Variants in KDM4C observed in about 807,000 individuals in gnomAD.
KDM4C encodes the protein lysine-specific demethylase 4C.
KDM4C carries 81 observed loss-of-function variants against 129.3 expected under a neutral mutation model. That is an observed-to-expected ratio of 0.63 (90% CI 0.52 to 0.75). The LOEUF (loss-of-function observed/expected upper bound fraction) is 0.75. Among genes scored for constraint, KDM4C ranks in the 30% least tolerant of loss-of-function variants. The probability of loss-of-function intolerance (pLI) is 0.00; values close to 1 mark genes in which losing one functional copy is unlikely to be tolerated. For missense variants in KDM4C, 1,457 were observed against 1,304.0 expected (o/e 1.12, Z -1.81); for synonymous variants, 573 against 456.1 (o/e 1.26, Z -3.26).
intron 17 of KDM4C, among the ~76,000 whole-genome samples, chr9:7,090,641 A>T (rs1835684471): frequency 6.6e-6 from 1 of 152,192 alleles, no homozygotes; most frequent in Admixed American, 6.5e-5. Context: ...TTGTGTTTAT[A>T]AATGACCTCC....
intron 1 of KDM4C, among the ~76,000 whole-genome samples, chr9:6,739,304 C>G (rs1817617362): frequency 6.6e-6 from 1 of 152,098 alleles, no homozygotes; most frequent in Non-Finnish European, 1.5e-5. Context: ...AACTCCTGTC[C>G]TCAGGTGACC....
intron 6 of KDM4C, among the ~76,000 whole-genome samples, chr9:6,882,026 T>C (rs1056738089): frequency 6.6e-6 from 1 of 152,242 alleles, no homozygotes; most frequent in African/African-American, 2.4e-5. Context: ...TGCTTTCATC[T>C]TTGGTTTCTA....
intron 8 of KDM4C, among the ~76,000 whole-genome samples, chr9:6,940,291 A>C (rs976085786): frequency 8.5e-5 from 13 of 152,130 alleles, no homozygotes; most frequent in Middle Eastern, 3.4e-3. Flanking sequence ...GAGTTTTGCC[A>C]TGTTGCCCAG....
chr9:6,966,222 T>G (rs10117798), intron 8 of KDM4C, among the ~76,000 whole-genome samples: 62,454 of 152,032 alleles, frequency 0.41, 13,640 homozygotes, highest in African/African-American at 0.56. Flanking sequence ...TCGCTCTGTC[T>G]CCCAGGCTGG....
intron 1 of KDM4C, among the ~76,000 whole-genome samples, chr9:6,780,658 T>C (rs1203641700): frequency 1.3e-5 from 2 of 149,542 alleles, no homozygotes; most frequent in East Asian, 2.0e-4. Context: ...TCCCAGCTAC[T>C]TGGGAAGGCC....
chr9:7,112,197 TC>T (rs1323111530), intron 18 of KDM4C, among the ~76,000 whole-genome samples: 3 of 152,176 alleles, frequency 2.0e-5, no homozygotes, highest in African/African-American at 7.2e-5. Context: ...CTTTCCTTCA[TC>T]CATGTTCCCC....
intron 8 of KDM4C, among the ~76,000 whole-genome samples, chr9:6,939,886 G>T (rs149475875): frequency 6.6e-5 from 10 of 152,076 alleles, no homozygotes; most frequent in Non-Finnish European, 1.0e-4. Flanking sequence ...AGTAAAAAAC[G>T]TTGGCTTTAT....
At chr9:7,046,313 A>G (rs1564035250) in intron 15 of KDM4C, among the ~76,000 whole-genome samples, 1 of 151,944 alleles carries the variant, frequency 6.6e-6, no homozygotes, top group Non-Finnish European at 1.5e-5. Context: ...GTTGATCAGG[A>G]CACTTTTTAT....
At chr9:6,834,043 CTT>C (rs71487860) in intron 4 of KDM4C, among the ~76,000 whole-genome samples, 11 of 109,434 alleles carry the variant, frequency 1.0e-4, no homozygotes, top group Non-Finnish European at 1.2e-4. Context: ...AAGAGATAGT[CTT>C]TTTTTTTTTT....
rs1448069010 is a variant in KDM4C, at chr9:6,842,276, A to G, written c.436-7231A>G. On this transcript the variant is annotated intron_variant, in intron 4 of 21. Coordinates refer to ENST00000381309, the MANE Select transcript of KDM4C (RefSeq NM_015061.6). ...TTAATGCCTGCTACATTTTTTGCAG[A>G]TTTGGCCACAGATTTATTTTCTTTT... Among the ~76,000 whole-genome samples, 4 of 140,472 alleles carry G rather than the reference A, an allele frequency of 2.8e-5. No homozygotes were observed. In the East Asian group the frequency reaches 8.4e-4, roughly 30 times the overall value. The allele number at this position is 140,472 out of a possible 152,430, so 92.2% of individuals were successfully genotyped here. A position where few individuals can be genotyped will look rare whatever the true frequency, so the allele number is the denominator to read the frequency against.
At chr9:6,757,931 G>A (rs1818546510), upstream of KDM4C, 1 of 985,396 alleles carries the variant, frequency 1.0e-6, no homozygotes, top group Non-Finnish European at 1.2e-6. Context: ...CCAAGTGCGG[G>A]CCCCAGCGGT....
intron 9 of KDM4C, among the ~76,000 whole-genome samples, chr9:6,983,616 GTTAGCCTGTGTCTGTT>G (rs1461195281): frequency 1.4e-4 from 13 of 94,922 alleles, no homozygotes; most frequent in Non-Finnish European, 9.2e-5. Context: ...ACACACACCA[GTTAGCCTGTGTCTGTT>G]TTAAATCCTT....
chr9:6,797,136 C>A (rs750030180), intron 2 of KDM4C, among the ~76,000 whole-genome samples: 5 of 151,922 alleles, frequency 3.3e-5, no homozygotes, highest in Non-Finnish European at 7.4e-5. Context: ...GGACTACCCA[C>A]GCCTGGGTAA....
At chr9:6,918,312 G>A (rs549013781) in intron 8 of KDM4C, among the ~76,000 whole-genome samples, 4 of 152,256 alleles carry the variant, frequency 2.6e-5, no homozygotes, top group South Asian at 2.1e-4. Flanking sequence ...TTAGGATAAC[G>A]GCCTCCACCT....
In KDM4C at chr9:6,849,475, ATTTCTCTCTCTTTT is replaced by A. The variant is rs777662397; in HGVS notation, c.436-21_436-8del. On this transcript the variant is annotated intron_variant, in intron 4 of 21. Transcript: ENST00000381309. ...ATCTTTCATGGTTTAGTAAGATTTGATTTCTCTCTCTTTTTTTCTCTCTCATTCCAGGGTGTGGA... is the reference window on the plus strand; with the variant it reads ...ATCTTTCATGGTTTAGTAAGATTTGATTTCTCTCTCATTCCAGGGTGTGGA... 4.0e-6 allele frequency: 6 copies of A among 1,499,674 alleles called. No homozygotes were observed. In the Admixed American group the frequency reaches 7.9e-5, roughly 20 times the overall value. The allele number at this position is 1,499,674 out of a possible 1,614,324, so 92.9% of individuals were successfully genotyped here.
intron 20 of KDM4C, among the ~76,000 whole-genome samples, chr9:7,167,343 C>A (rs777555905): frequency 6.6e-6 from 1 of 152,098 alleles, no homozygotes; most frequent in Non-Finnish European, 1.5e-5. Context: ...CGAACTAGGA[C>A]GGTTGGTTAC....
At chr9:6,971,439 G>A (rs1255374979) in intron 8 of KDM4C, among the ~76,000 whole-genome samples, 1 of 152,174 alleles carries the variant, frequency 6.6e-6, no homozygotes. Context: ...ACTGATCAAT[G>A]AATCTCTGTA....
chr9:6,814,099 T>A (rs1831646350), intron 3 of KDM4C, among the ~76,000 whole-genome samples: 1 of 152,188 alleles, frequency 6.6e-6, no homozygotes, highest in Admixed American at 6.5e-5. Flanking sequence ...AAAAATTATA[T>A]GCTGGAATGG....
At chr9:6,806,432 T>G (rs1829971349) in intron 3 of KDM4C, among the ~76,000 whole-genome samples, 1 of 151,950 alleles carries the variant, frequency 6.6e-6, no homozygotes, top group South Asian at 2.1e-4. Flanking sequence ...AGACAGAGGT[T>G]GCAGTGAGCC....
Sources: allele counts gnomAD v4.1 joint callset (sites outside exome capture counted in the v4.1 genomes callset), GRCh38; gene constraint gnomAD v4.1.1; transcripts MANE v1.5; gene names NCBI Gene and HGNC (gene_info 2026-07-23, HGNC 2026-07-21).